ENOX1: variants seen among roughly 807,000 people sequenced by gnomAD.
ENOX1 encodes ecto-NOX disulfide-thiol exchanger 1.
In ENOX1, 42 loss-of-function variants were observed where a neutral mutation model predicts 82.5. The observed-to-expected ratio is 0.51, with a 90% CI of 0.40 to 0.66. ENOX1 has a LOEUF of 0.66. Among genes scored for constraint, ENOX1 ranks in the 30% least tolerant of loss-of-function variants. The pLI, the probability that ENOX1 is intolerant of heterozygous loss-of-function variation, is 0.00. For missense variants in ENOX1, 608 were observed against 811.6 expected (o/e 0.75, Z 3.05); for synonymous variants, 271 against 282.2 (o/e 0.96, Z 0.40).
At chr13:43,321,617 CAT>C (rs1317359013) in intron 11 of ENOX1, among the ~76,000 whole-genome samples, 1 of 152,214 alleles carries the variant, frequency 6.6e-6, no homozygotes, top group African/African-American at 2.4e-5. Flanking sequence ...CACTTATACA[CAT>C]GAGGAGACAG....
chr13:43,777,105 A>G (rs10870772), intron 1 of ENOX1, among the ~76,000 whole-genome samples: 61,322 of 151,652 alleles, frequency 0.4, 14,293 homozygotes, highest in Non-Finnish European at 0.55. Flanking sequence ...TTGTTGCCAT[A>G]CAATGGTCAC....
rs1351057664 is a variant in ENOX1 at position 43,581,122 on chromosome 13, A to ATTT, written c.-219+86356_-219+86357insAAA. ...ACCTAAGTTATTTTAGCACTACCTG[A>ATTT]TTCTTTTTTTTTTTTTTTTTTTTTT... On this transcript the variant is annotated intron_variant, in intron 2 of 16. Transcript: ENST00000690772. Among the ~76,000 whole-genome samples, 150 of 84,948 alleles carry ATTT rather than the reference A, an allele frequency of 1.8e-3. 2 individuals carry two copies. Among genetic ancestry groups the ATTT allele is most frequent in the Middle Eastern group, 7.1e-3 (1 of 140 alleles). 55.7% of individuals were successfully genotyped at this position (84,948 alleles called of 152,430 possible).
intron 12 of ENOX1, among the ~76,000 whole-genome samples, chr13:43,272,510 G>T (rs1445279103): frequency 6.6e-6 from 1 of 152,140 alleles, no homozygotes; most frequent in Non-Finnish European, 1.5e-5. Context: ...TCTAATTGTT[G>T]CCAGTTTAAT....
intron 5 of ENOX1, among the ~76,000 whole-genome samples, chr13:43,370,591 C>T (rs1382229411): frequency 6.6e-6 from 1 of 152,164 alleles, no homozygotes; most frequent in African/African-American, 2.4e-5. Context: ...ATGTACTCCA[C>T]AGCAAACTGC....
intron 2 of ENOX1, among the ~76,000 whole-genome samples, chr13:43,556,928 G>C (rs969590545): frequency 6.6e-6 from 1 of 152,234 alleles, no homozygotes; most frequent in Non-Finnish European, 1.5e-5. Flanking sequence ...GACTAGGGGA[G>C]AGGGTAAAAG....
intron 3 of ENOX1, among the ~76,000 whole-genome samples, chr13:43,457,305 T>C (rs1349443522): frequency 2.0e-5 from 3 of 152,180 alleles, no homozygotes; most frequent in African/African-American, 7.2e-5. Context: ...TTAAGGAGGG[T>C]ATTGACAAAA....
At chr13:43,281,452 T>C (rs2045377042) in intron 12 of ENOX1, among the ~76,000 whole-genome samples, 1 of 152,126 alleles carries the variant, frequency 6.6e-6, no homozygotes, top group Admixed American at 6.6e-5. Flanking sequence ...GGTGTCAGCA[T>C]GGCCATGAAT....
Position 43,430,012 on chromosome 13 carries a change from C to T in ENOX1, c.-74-17024G>A, listed in dbSNP as rs113159268. 1.7e-3 allele frequency among the ~76,000 whole-genome samples: 256 copies of T among 152,310 alleles called. 4 individuals carry two copies. Among genetic ancestry groups the T allele is most frequent in the Middle Eastern group, 3.4e-3 (1 of 294 alleles). On this transcript the variant is annotated intron_variant, in intron 3 of 16. Coordinates refer to ENST00000690772, the MANE Select transcript of ENOX1 (RefSeq NM_001347969.2). ...CTTTCCACTAGTTTTCTTGACTTTG[C>T]ATATTCTTGATGCAAATCAGTGAAT...
intron 5 of ENOX1, among the ~76,000 whole-genome samples, chr13:43,373,521 T>C (rs1169502616): frequency 1.3e-5 from 2 of 152,180 alleles, no homozygotes; most frequent in East Asian, 3.8e-4. Context: ...GTTTTCCCTT[T>C]GTAATTCTAT....
chr13:43,628,139 T>C (rs963550375), intron 2 of ENOX1, among the ~76,000 whole-genome samples: 6 of 152,086 alleles, frequency 3.9e-5, no homozygotes, highest in African/African-American at 1.5e-4. Context: ...GGTTTATATC[T>C]TTTCCAAATT....
intron 3 of ENOX1, among the ~76,000 whole-genome samples, chr13:43,472,251 G>A (rs1175121303): frequency 3.9e-5 from 6 of 152,178 alleles, no homozygotes; most frequent in Non-Finnish European, 5.9e-5. Flanking sequence ...AGCATAGAAC[G>A]TCTGTAGCCA....
At chr13:43,573,882 G>T (rs1280823694) in intron 2 of ENOX1, among the ~76,000 whole-genome samples, 1 of 152,130 alleles carries the variant, frequency 6.6e-6, no homozygotes, top group East Asian at 1.9e-4. Context: ...TCAGTATCCA[G>T]CATTAAAGGC....
At chr13:43,296,325 C>A (rs925145807) in intron 12 of ENOX1, among the ~76,000 whole-genome samples, 125 of 152,180 alleles carry the variant, frequency 8.2e-4, no homozygotes, top group African/African-American at 2.9e-3. Context: ...GAAATTTGGA[C>A]ACACACACAC....
chr13:43,262,967 G>T (rs2044164000), intron 14 of ENOX1, among the ~76,000 whole-genome samples: 3 of 152,152 alleles, frequency 2.0e-5, no homozygotes, highest in Non-Finnish European at 2.9e-5. Context: ...GGGTCTGAAG[G>T]CCTCGTCTCT....
chr13:43,392,004 A>T (rs1307733320), intron 5 of ENOX1, among the ~76,000 whole-genome samples: 2 of 152,090 alleles, frequency 1.3e-5, no homozygotes, highest in East Asian at 3.9e-4. Flanking sequence ...GTTGTCCAGG[A>T]CTTCTCCAAG....
chr13:43,549,487 T>C (rs560413722), intron 2 of ENOX1, among the ~76,000 whole-genome samples: 1 of 152,232 alleles, frequency 6.6e-6, no homozygotes, highest in Admixed American at 6.5e-5. Flanking sequence ...CATCTCTAAC[T>C]TCATTTATAT....
chr13:43,480,093 T>C lies in ENOX1; in HGVS notation c.-75+3916A>G, dbSNP rs183562160. ...CTGGGATTACAGGCACCCACGACCATGCCCAGCTAATTTTTTTGTATTTTT... is the reference window on the plus strand; with the variant it reads ...CTGGGATTACAGGCACCCACGACCACGCCCAGCTAATTTTTTTGTATTTTT... On this transcript the variant is annotated intron_variant, in intron 3 of 16. Transcript: ENST00000690772. Among the ~76,000 whole-genome samples the C allele has an allele frequency of 3.9e-5, 6 of 152,036 alleles. 1 individual carries two copies. The East Asian group carries it at 1.2e-3, about 29-fold the overall frequency.
In ENOX1 at chr13:43,730,029, T is replaced by C. The variant is rs116790469; in HGVS notation, c.-285+56623A>G. On this transcript the variant is annotated intron_variant, in intron 1 of 16. Coordinates refer to ENST00000690772, the MANE Select transcript of ENOX1 (RefSeq NM_001347969.2). ...CTCTCTCCAGAGGATCCCCACTCTA[T>C]CTGCGGAAGATCTCCTCCACCCTGT... Among the ~76,000 whole-genome samples, 547 of 152,348 alleles carry C rather than the reference T, an allele frequency of 3.6e-3. 6 individuals carry two copies. The highest frequency in any genetic ancestry group is 0.013 in the African/African-American group (529 of 41,572).
At chr13:43,214,664 T>C (rs2041371955) in intron 16 of ENOX1, among the ~76,000 whole-genome samples, 1 of 152,248 alleles carries the variant, frequency 6.6e-6, no homozygotes, top group African/African-American at 2.4e-5. Context: ...AATACAAGTC[T>C]TGATATCTAG....
Sources: gnomAD v4.1 joint callset for allele counts (sites outside exome capture counted in the v4.1 genomes callset) on GRCh38, gnomAD v4.1.1 for gene constraint, MANE v1.5 for transcripts, NCBI Gene and HGNC (gene_info 2026-07-23, HGNC 2026-07-21) for gene names.